GSK3B: variants seen among roughly 807,000 people sequenced by gnomAD.
GSK3B encodes the protein glycogen synthase kinase-3 beta.
Under a neutral mutation model 56.4 loss-of-function variants are expected in GSK3B, and 15 were observed. The ratio of observed to expected loss-of-function variants is 0.27; its 90% CI spans 0.18 to 0.41. GSK3B has a LOEUF of 0.41. Among genes scored for constraint, GSK3B ranks in the 10% least tolerant of loss-of-function variants. The probability of loss-of-function intolerance (pLI) is 1.00; values close to 1 mark genes in which losing one functional copy is unlikely to be tolerated. For synonymous variants in GSK3B, 181 were observed against 188.9 expected (o/e 0.96, Z 0.34); for missense variants, 300 against 513.4 (o/e 0.58, Z 4.02).
chr3:120,088,283 C>T (rs1559908598), intron 1 of GSK3B, among the ~76,000 whole-genome samples: 1 of 151,198 alleles, frequency 6.6e-6, no homozygotes, highest in African/African-American at 2.5e-5. Flanking sequence ...CCATTATGTA[C>T]TGAGTATTAG....
intron 8 of GSK3B, among the ~76,000 whole-genome samples, chr3:119,870,950 G>A (rs551172069): frequency 1.3e-5 from 2 of 152,252 alleles, no homozygotes; most frequent in African/African-American, 4.8e-5. Flanking sequence ...TAGATAGAAT[G>A]GATGTGAAAG....
intron 1 of GSK3B, among the ~76,000 whole-genome samples, chr3:120,032,875 T>TA: frequency 6.6e-6 from 1 of 152,358 alleles, no homozygotes; most frequent in East Asian, 1.9e-4. Context: ...TAAGTTTTAA[T>TA]TCACATAACA....
rs897331108 is a variant in GSK3B, at chr3:119,824,008, G to A, written c.*2780C>T. On this transcript the variant is annotated 3_prime_UTR_variant, in exon 11 of 11. Coordinates refer to ENST00000264235, the MANE Select transcript of GSK3B (RefSeq NM_001146156.2). ...AGTTATTGTTACAATAATACAGGCC[G>A]GTACCTACTGTACAGAGTTAAAACT... is the stretch of plus-strand genomic sequence containing the variant. The A allele has an allele frequency of 5.0e-5, 10 of 201,234 alleles. No individual in the cohort carries two copies. The highest frequency in any genetic ancestry group is 1.8e-4 in the African/African-American group (8 of 43,376). 12.5% of individuals were successfully genotyped at this position (201,234 alleles called of 1,614,324 possible).
chr3:119,869,182 C>T (rs1234968266), intron 8 of GSK3B, among the ~76,000 whole-genome samples: 1 of 121,936 alleles, frequency 8.2e-6, no homozygotes, highest in African/African-American at 3.1e-5. Context: ...CGAGGTCGTG[C>T]CACTGCACTC....
At chr3:119,912,311 A>G (rs543049500) in intron 6 of GSK3B, among the ~76,000 whole-genome samples, 15 of 152,156 alleles carry the variant, frequency 9.9e-5, no homozygotes, top group Admixed American at 8.5e-4. Context: ...AACAATTACA[A>G]TAGTAACATC....
intron 8 of GSK3B, among the ~76,000 whole-genome samples, chr3:119,874,849 A>G (rs1404045101): frequency 2.0e-5 from 3 of 152,074 alleles, no homozygotes; most frequent in Admixed American, 2.0e-4. Flanking sequence ...TTCTCTTAAC[A>G]TGGCTGAAGT....
intron 7 of GSK3B, among the ~76,000 whole-genome samples, chr3:119,891,154 G>A (rs532281310): frequency 4.6e-5 from 7 of 151,926 alleles, no homozygotes; most frequent in African/African-American, 7.2e-5. Context: ...GGTTCTGGAA[G>A]GGGAGTCAAG....
Position 119,850,387 on chromosome 3 carries a change from T to C in GSK3B, c.1097-7034A>G, listed in dbSNP as rs916443123. On this transcript the variant is annotated intron_variant, in intron 9 of 10. Coordinates refer to ENST00000264235, the MANE Select transcript of GSK3B (RefSeq NM_001146156.2). ...CTCTTCCTTAATTACAGGCAATCCTTAAAATCCATTGCTTTCATCTGTTCA... is the reference window on the plus strand; with the variant it reads ...CTCTTCCTTAATTACAGGCAATCCTCAAAATCCATTGCTTTCATCTGTTCA... Among the ~76,000 whole-genome samples the C allele has an allele frequency of 1.3e-4, 20 of 152,204 alleles. 1 individual carries two copies. The highest frequency in any genetic ancestry group is 4.3e-4 in the African/African-American group (18 of 41,458).
intron 3 of GSK3B, among the ~76,000 whole-genome samples, chr3:119,939,015 A>G (rs1004464760): frequency 6.6e-6 from 1 of 152,034 alleles, no homozygotes; most frequent in African/African-American, 2.4e-5. Flanking sequence ...AAAATACAAG[A>G]AAAATGTCAT....
Position 119,825,594 on chromosome 3 carries a change from T to C in GSK3B, c.*1194A>G, listed in dbSNP as rs1019174195. 3 of 228,588 alleles carry C rather than the reference T, an allele frequency of 1.3e-5. No individual in the cohort carries two copies. Among genetic ancestry groups the C allele is most frequent in the African/African-American group, 2.2e-5 (1 of 45,118 alleles). The allele number at this position is 228,588 out of a possible 1,614,324, so 14.2% of individuals were successfully genotyped here. ...ACTGTATCATTCTGATGTGTAGTTT[T>C]TAATATTTCTACCATCTGACATGCA... On this transcript the variant is annotated 3_prime_UTR_variant, in exon 11 of 11. Coordinates refer to ENST00000264235, the MANE Select transcript of GSK3B (RefSeq NM_001146156.2).
chr3:119,894,690 T>C (rs1451690591), intron 7 of GSK3B, among the ~76,000 whole-genome samples: 4 of 152,158 alleles, frequency 2.6e-5, no homozygotes, highest in Non-Finnish European at 4.4e-5. Flanking sequence ...TTTTCTCCAA[T>C]TGTCTTTTAA....
intron 8 of GSK3B, among the ~76,000 whole-genome samples, chr3:119,866,012 T>G (rs574491462): frequency 6.6e-6 from 1 of 152,296 alleles, no homozygotes; most frequent in East Asian, 1.9e-4. Flanking sequence ...AGATTCTTGA[T>G]GAGAAAAGCC....
At chr3:120,002,801 G>C (rs1475682968) in intron 1 of GSK3B, among the ~76,000 whole-genome samples, 1 of 152,192 alleles carries the variant, frequency 6.6e-6, no homozygotes, top group Admixed American at 6.5e-5. Context: ...AGACAGTACT[G>C]TTCCCATATT....
At chr3:119,914,422 C>T (rs1351126124) in intron 5 of GSK3B, among the ~76,000 whole-genome samples, 9 of 152,004 alleles carry the variant, frequency 5.9e-5, no homozygotes, top group Non-Finnish European at 1.3e-4. Flanking sequence ...ATGGGCTGTA[C>T]CAAGTGTTTT....
intron 2 of GSK3B, among the ~76,000 whole-genome samples, chr3:119,981,065 G>C (rs183816350): frequency 2.6e-5 from 4 of 152,266 alleles, no homozygotes; most frequent in African/African-American, 9.6e-5. Flanking sequence ...TGGACAACTG[G>C]CCTGCTTTGC....
At chr3:120,054,145 A>C (rs868326430) in intron 1 of GSK3B, among the ~76,000 whole-genome samples, 1 of 152,248 alleles carries the variant, frequency 6.6e-6, no homozygotes. Flanking sequence ...TTTTACAAAA[A>C]GAGCAAACAA....
At chr3:119,835,113 TAATTGGCTACCA>T (rs1241493151) in intron 10 of GSK3B, among the ~76,000 whole-genome samples, 1 of 152,208 alleles carries the variant, frequency 6.6e-6, no homozygotes, top group Admixed American at 6.5e-5. Flanking sequence ...ATGCACATAT[TAATTGGCTACCA>T]AGTTGGTAAC....
chr3:119,963,762 T>C (rs2057295378), intron 2 of GSK3B, among the ~76,000 whole-genome samples: 1 of 151,762 alleles, frequency 6.6e-6, no homozygotes, highest in South Asian at 2.1e-4. Flanking sequence ...TAATTTACAA[T>C]GCAGAAAGGA....
chr3:119,959,119 T>G (rs186408581), intron 2 of GSK3B, among the ~76,000 whole-genome samples: 2 of 152,312 alleles, frequency 1.3e-5, no homozygotes, highest in Admixed American at 1.3e-4. Context: ...TAATCCTTCC[T>G]CATTGGCCAA....
Sources: allele counts gnomAD v4.1 joint callset (sites outside exome capture counted in the v4.1 genomes callset), GRCh38; gene constraint gnomAD v4.1.1; transcripts MANE v1.5; gene names NCBI Gene and HGNC (gene_info 2026-07-23, HGNC 2026-07-21).